CCDC102B: variants seen among roughly 807,000 people sequenced by gnomAD.
CCDC102B encodes the protein coiled-coil domain-containing protein 102B.
Under a neutral mutation model 57.4 loss-of-function variants are expected in CCDC102B, and 75 were observed. The ratio of observed to expected loss-of-function variants is 1.31; its 90% confidence interval spans 1.08 to 1.58. The LOEUF is 1.58. Among genes scored for constraint, CCDC102B ranks in the 40% most tolerant of loss-of-function variants. The pLI is 0.00. For missense variants in CCDC102B, 636 were observed against 582.6 expected (o/e 1.09, Z -0.94); for synonymous variants, 206 against 201.9 (o/e 1.02, Z -0.17).
chr18:68,718,413 C>T (rs1008595212), intron 2 of CCDC102B, among the ~76,000 whole-genome samples: 1 of 152,116 alleles, frequency 6.6e-6, no homozygotes, highest in Non-Finnish European at 1.5e-5. Context: ...AAGCCAGAAA[C>T]TAAAGAAAGG....
In CCDC102B at chr18:68,879,040, G is replaced by A. The variant is rs188193114; in HGVS notation, c.1053+4255G>A. 3.1e-4 allele frequency among the ~76,000 whole-genome samples: 47 copies of A among 152,186 alleles called. 1 individual carries two copies. The highest frequency in any genetic ancestry group is 2.7e-3 in the Admixed American group (41 of 15,294). On this transcript the variant is annotated intron_variant, in intron 5 of 7. Coordinates refer to ENST00000360242, the MANE Select transcript of CCDC102B (RefSeq NM_024781.3). ...GTGGGTTCGTGGTCTCGCTGGCTCA[G>A]GAGTGAAGCTGCAGACCTTCGCGGT...
At chr18:68,956,360 A>ATTAATATATATT (rs1568351914) in intron 6 of CCDC102B, among the ~76,000 whole-genome samples, 19,021 of 74,118 alleles carry the variant, frequency 0.26, 2,656 homozygotes, top group East Asian at 0.51. Context: ...TAATATATAT[A>ATTAATATATATT]ATATATATAT....
intron 6 of CCDC102B, among the ~76,000 whole-genome samples, chr18:68,979,759 T>C (rs2050529695): frequency 6.6e-6 from 1 of 151,992 alleles, no homozygotes; most frequent in Admixed American, 6.6e-5. Flanking sequence ...TGAAATGGAT[T>C]GTGGTGGCCA....
At chr18:68,963,564 A>G (rs978992435) in intron 6 of CCDC102B, among the ~76,000 whole-genome samples, 2 of 151,932 alleles carry the variant, frequency 1.3e-5, no homozygotes, top group African/African-American at 4.8e-5. Flanking sequence ...AAGGCCTTTT[A>G]CATGAGCCCC....
At chr18:68,958,055 T>C (rs1026284041) in intron 6 of CCDC102B, among the ~76,000 whole-genome samples, 1 of 152,092 alleles carries the variant, frequency 6.6e-6, no homozygotes, top group Non-Finnish European at 1.5e-5. Context: ...GAAAGGCATG[T>C]CTCACATGCC....
At chr18:68,917,708 A>G (rs926823246) in intron 6 of CCDC102B, among the ~76,000 whole-genome samples, 1 of 152,170 alleles carries the variant, frequency 6.6e-6, no homozygotes, top group Non-Finnish European at 1.5e-5. Flanking sequence ...CCAATATCAA[A>G]TAATTATTTC....
intron 4 of CCDC102B, among the ~76,000 whole-genome samples, chr18:68,857,088 T>C (rs557669082): frequency 1.1e-5 from 1 of 88,540 alleles, no homozygotes; most frequent in Non-Finnish European, 2.2e-5. Flanking sequence ...ATAAATATAT[T>C]TATATATTTT....
chr18:68,949,072 C>T (rs114347384), intron 6 of CCDC102B, among the ~76,000 whole-genome samples: 6,724 of 152,048 alleles, frequency 0.044, 318 homozygotes, highest in African/African-American at 0.12. Context: ...GAGGGTAGGC[C>T]GGTCTCGCCT....
chr18:68,930,972 T>C (rs1356383628), intron 6 of CCDC102B, among the ~76,000 whole-genome samples: 5 of 151,880 alleles, frequency 3.3e-5, no homozygotes, highest in African/African-American at 1.2e-4. Context: ...TTATTTTAAC[T>C]GCTAGAGAAT....
intron 7 of CCDC102B, among the ~76,000 whole-genome samples, chr18:69,040,781 T>G (rs1202854194): frequency 6.6e-6 from 1 of 152,072 alleles, no homozygotes; most frequent in Non-Finnish European, 1.5e-5. Flanking sequence ...TTTTTAAGAT[T>G]GGTTGCTATG....
intron 1 of CCDC102B, among the ~76,000 whole-genome samples, chr18:68,807,223 A>G (rs971246533): frequency 2.0e-5 from 3 of 152,120 alleles, no homozygotes; most frequent in Non-Finnish European, 4.4e-5. Context: ...AACTGGGACC[A>G]ATATATTCTC....
At chr18:69,004,677 A>G (rs2051292923) in intron 6 of CCDC102B, among the ~76,000 whole-genome samples, 1 of 152,100 alleles carries the variant, frequency 6.6e-6, no homozygotes, top group African/African-American at 2.4e-5. Flanking sequence ...AATTGTCACA[A>G]TTGACAAATA....
At chr18:69,036,923 T>TCA (rs1008919260) in intron 7 of CCDC102B, among the ~76,000 whole-genome samples, 3 of 151,932 alleles carry the variant, frequency 2.0e-5, no homozygotes, top group Admixed American at 6.6e-5. Flanking sequence ...ATTGAAGTTA[T>TCA]CAAATAGAGA....
chr18:68,975,386 G>A (rs1053024063), intron 6 of CCDC102B, among the ~76,000 whole-genome samples: 1 of 151,918 alleles, frequency 6.6e-6, no homozygotes, highest in Non-Finnish European at 1.5e-5. Flanking sequence ...TATTATATAT[G>A]TGAACTTTCA....
chr18:68,756,450 T>A (rs2034054365), intron 2 of CCDC102B, among the ~76,000 whole-genome samples: 1 of 152,182 alleles, frequency 6.6e-6, no homozygotes, highest in African/African-American at 2.4e-5. Flanking sequence ...TTTATTCTAC[T>A]AAATTTGCAT....
intron 6 of CCDC102B, among the ~76,000 whole-genome samples, chr18:68,936,155 G>A (rs1208660899): frequency 6.6e-6 from 1 of 151,658 alleles, no homozygotes; most frequent in Non-Finnish European, 1.5e-5. Flanking sequence ...TGAATTTTGT[G>A]TTTAGACTTG....
chr18:68,784,614 T>A (rs2035126110), intron 2 of CCDC102B, among the ~76,000 whole-genome samples: 1 of 152,150 alleles, frequency 6.6e-6, no homozygotes, highest in South Asian at 2.1e-4. Context: ...AAAGAATATG[T>A]TTTACCACTC....
chr18:69,019,977 TCCCTTTC>T (rs2051783100), intron 7 of CCDC102B, among the ~76,000 whole-genome samples: 1 of 152,142 alleles, frequency 6.6e-6, no homozygotes, highest in African/African-American at 2.4e-5. Context: ...GTGTATTTTT[TCCCTTTC>T]ATTCTGTTAA....
chr18:68,994,048 T>C (rs2050949778), intron 6 of CCDC102B, among the ~76,000 whole-genome samples: 1 of 152,166 alleles, frequency 6.6e-6, no homozygotes, highest in Admixed American at 6.5e-5. Flanking sequence ...AATCAGCCTC[T>C]AGCCACTGGT....
Sources: gnomAD v4.1 joint callset for allele counts (sites outside exome capture counted in the v4.1 genomes callset) on GRCh38, gnomAD v4.1.1 for gene constraint, MANE v1.5 for transcripts, NCBI Gene and HGNC (gene_info 2026-07-23, HGNC 2026-07-21) for gene names.